The following PTPRU variants were observed in gnomAD, a reference collection of about 807,000 sequenced individuals.
PTPRU encodes the protein protein tyrosine phosphatase receptor type U, also known as receptor-type tyrosine-protein phosphatase U.
In PTPRU, 69 loss-of-function variants were observed where a neutral mutation model predicts 166.3. The observed-to-expected ratio is 0.41, with a 90% confidence interval of 0.34 to 0.51. The LOEUF (loss-of-function observed/expected upper bound fraction) is 0.51. Among genes scored for constraint, PTPRU ranks in the 20% least tolerant of loss-of-function variants. The pLI is 0.09. For missense variants in PTPRU, 1,657 were observed against 2,013.7 expected (o/e 0.82, Z 3.39); for synonymous variants, 793 against 814.0 (o/e 0.97, Z 0.44).
Position 29,325,483 on chromosome 1 carries a change from C to T in PTPRU, c.4249-116C>T, listed in dbSNP as rs35787885. 0.099 allele frequency: 149,430 copies of T among 1,504,546 alleles called. 8,715 individuals are homozygous for T. Among genetic ancestry groups the T allele is most frequent in the Middle Eastern group, 0.21 (1,194 of 5,816 alleles). The allele number at this position is 1,504,546 out of a possible 1,614,324, so 93.2% of individuals were successfully genotyped here. A position where few individuals can be genotyped will look rare whatever the true frequency, so the allele number is the denominator to read the frequency against. ...ATTACCCCCATTTCTCCCTTCTCCC[C>T]GAGGGCGGGCCTGGGCTCGGGCTCG... On this transcript the variant is annotated intron_variant, in intron 29 of 29. Transcript: ENST00000373779.
chr1:29,300,293 C>T (rs867771233), intron 15 of PTPRU, among the ~76,000 whole-genome samples: 14 of 152,244 alleles, frequency 9.2e-5, no homozygotes, highest in African/African-American at 2.6e-4. Flanking sequence ...AAAAGCCCTC[C>T]GTGGCAAAAG....
intron 27 of PTPRU, 48 bp downstream of exon 27, chr1:29,323,544 G>T: frequency 6.2e-7 from 1 of 1,611,424 alleles, no homozygotes; most frequent in East Asian, 2.2e-5. Context: ...TGGTGGCTGG[G>T]GCAGCTTTTA....
rs775989929 is a variant in PTPRU, at chr1:29,312,561, T to C, written c.3082T>C (p.Ser1028Pro). ...RTFALERRGY[S>P]ARHEVRQFHF... ...CCCATTGTCTCCCCAGAGAGGCTAC[T>C]CTGCCCGGCACGAGGTCCGCCAGTT... Residue 1028 changes from serine to proline, a missense_variant, in exon 22 of 30, where the codon TCT becomes CCT. Physicochemically the swap from Ser to Pro is moderately conservative, Grantham distance 74. Transcript: ENST00000373779. 2 of 1,589,442 alleles carry C rather than the reference T, an allele frequency of 1.3e-6. No homozygotes were observed. Among genetic ancestry groups the C allele is most frequent in the East Asian group, 2.3e-5 (1 of 44,198 alleles).
At position 29,237,379 on chromosome 1, in the gene PTPRU, G is replaced by C. The variant is rs1209476913; in HGVS notation, c.73+662G>C. 1.3e-5 allele frequency among the ~76,000 whole-genome samples: 2 copies of C among 152,116 alleles called. No homozygotes were observed. Among genetic ancestry groups the C allele is most frequent in the African/African-American group, 4.8e-5 (2 of 41,420 alleles). On this transcript the variant is annotated intron_variant, in intron 1 of 29. Coordinates refer to ENST00000373779, the MANE Select transcript of PTPRU (RefSeq NM_133178.4). The surrounding 1 kb of genome is among the most constrained non-coding windows in gnomAD (Gnocchi z 6.4). ...CCGCGTGGGTCCGAGTGAATGCCAA[G>C]TGTGCCGGGAATGCGTGTGTGGGAG...
chr1:29,238,406 G>A lies in PTPRU; in HGVS notation c.73+1689G>A, dbSNP rs1179252790. ...GGGGCTGCTCCGCGGGCTCCGGGTA[G>A]CCGGGAGACGCCCGGGGCGGGATCC... On this transcript the variant is annotated intron_variant, in intron 1 of 29. Coordinates refer to ENST00000373779, the MANE Select transcript of PTPRU (RefSeq NM_133178.4). This position sits in a 1 kb window ranked among gnomAD's most constrained non-coding sequence, Gnocchi z 6.1. 1.3e-5 allele frequency among the ~76,000 whole-genome samples: 2 copies of A among 151,956 alleles called. No homozygotes were observed. The highest frequency in any genetic ancestry group is 2.9e-5 in the Non-Finnish European group (2 of 67,946).
Position 29,317,825 on chromosome 1 carries a change from C to T in PTPRU, c.3591C>T (p.Asn1197=). 1.9e-6 allele frequency: 3 copies of T among 1,613,750 alleles called. No individual in the cohort carries two copies. The South Asian group carries it at 3.3e-5, about 18-fold the overall frequency. ...TGTTGCCCCGGAACCGCGACAAGAA[C>T]CGCAGCATGGACGTCCTGCCGCCCG... ...IALLPRNRDK[N]RSMDVLPPDR... Residue 1197 remains asparagine, a synonymous_variant, in exon 25 of 30, where the codon AAC becomes AAT. Coordinates refer to ENST00000373779, the MANE Select transcript of PTPRU (RefSeq NM_133178.4). The surrounding 1 kb of genome is among the most constrained non-coding windows in gnomAD (Gnocchi z 5.6).
At chr1:29,265,370 C>CTT (rs36081126) in intron 7 of PTPRU, among the ~76,000 whole-genome samples, 2 of 148,966 alleles carry the variant, frequency 1.3e-5, no homozygotes, top group Admixed American at 6.7e-5. Context: ...TTCTTTTCCT[C>CTT]TTTTTTTTTT....
intron 12 of PTPRU, chr1:29,283,593 C>G (rs1686202201): frequency 5.6e-6 from 2 of 354,146 alleles, no homozygotes; most frequent in African/African-American, 2.1e-5. Context: ...CCAGGCTCCT[C>G]CCTCCTCTGC....
chr1:29,260,023 T>G lies in PTPRU; in HGVS notation c.829T>G (p.Phe277Val), dbSNP rs770382407. 17 of 1,468,896 alleles carry G rather than the reference T, an allele frequency of 1.2e-5. No homozygotes were observed. The highest frequency in any genetic ancestry group is 1.5e-5 in the Non-Finnish European group (17 of 1,116,332). 91.0% of individuals were successfully genotyped at this position (1,468,896 alleles called of 1,614,324 possible). ...CCCGCGCGGCGCGGGCGTCTCTAACTTCGCGGAGCTCATCGTCAAGGGTCA... is the reference window on the plus strand; with the variant it reads ...CCCGCGCGGCGCGGGCGTCTCTAACGTCGCGGAGCTCATCGTCAAGGGTCA... Reference protein sequence around the residue: ...QAPRGAGVSNFAELIVKEPPT... With the variant: ...QAPRGAGVSNVAELIVKEPPT... The change falls in exon 6 of 30, where the codon TTC becomes GTC. Residue 277 changes from phenylalanine to valine, a missense_variant. Transcript: ENST00000373779. This position sits in a 1 kb window ranked among gnomAD's most constrained non-coding sequence, Gnocchi z 8.3.
intron 2 of PTPRU, among the ~76,000 whole-genome samples, chr1:29,258,178 T>C (rs894454001): frequency 4.6e-5 from 7 of 152,216 alleles, no homozygotes; most frequent in Admixed American, 4.6e-4. Context: ...TTGGTCAGGC[T>C]GGTCTCGAAC....
intron 11 of PTPRU, among the ~76,000 whole-genome samples, chr1:29,282,209 CTGAATGAATGAA>C (rs141805058): frequency 2.2e-4 from 33 of 152,252 alleles, no homozygotes; most frequent in African/African-American, 5.1e-4. Context: ...TCATCTCTTT[CTGAATGAATGAA>C]TGAATGAATG....
chr1:29,292,047 C>A (rs989904933), intron 15 of PTPRU, 21 bp downstream of exon 15: 1 of 1,612,460 alleles, frequency 6.2e-7, no homozygotes, highest in South Asian at 1.1e-5. Flanking sequence ...GGCCCTCCTA[C>A]CCCTTCTTCA....
At chr1:29,310,874 G>T in intron 19 of PTPRU, 94 bp downstream of exon 19, 1 of 1,428,722 alleles carries the variant, frequency 7.0e-7, no homozygotes, top group Non-Finnish European at 9.9e-7. Context: ...CTGCTGATCC[G>T]CTTGATTCCT....
intron 15 of PTPRU, among the ~76,000 whole-genome samples, chr1:29,298,044 G>A (rs1205571158): frequency 6.6e-6 from 1 of 152,068 alleles, no homozygotes; most frequent in African/African-American, 2.4e-5. Flanking sequence ...GATTGCTTGA[G>A]GTTAGGAGTT....
chr1:29,252,253 T>C (rs1330147617), intron 1 of PTPRU, among the ~76,000 whole-genome samples: 1 of 137,840 alleles, frequency 7.3e-6, no homozygotes, highest in Non-Finnish European at 1.5e-5. Context: ...CTTCTGGGTG[T>C]GTTTTTCTTT....
intron 1 of PTPRU, among the ~76,000 whole-genome samples, chr1:29,255,035 G>GGAA (rs1684712632): frequency 6.6e-6 from 1 of 152,144 alleles, no homozygotes; most frequent in Non-Finnish European, 1.5e-5. Flanking sequence ...GGGGGTCCTG[G>GGAA]GAAGTACTGG....
At chr1:29,313,918 C>G (rs1428664357) in intron 22 of PTPRU, among the ~76,000 whole-genome samples, 1 of 152,136 alleles carries the variant, frequency 6.6e-6, no homozygotes, top group Non-Finnish European at 1.5e-5. Context: ...CAGAAGCCCC[C>G]TTGAACCCGT....
intron 1 of PTPRU, among the ~76,000 whole-genome samples, chr1:29,239,339 A>G (rs780511537): frequency 2.6e-5 from 4 of 151,996 alleles, no homozygotes; most frequent in Non-Finnish European, 5.9e-5. Context: ...TGTTCTTGCT[A>G]TTTTGTCCTT....
At chr1:29,293,648 G>A (rs1686753207) in intron 15 of PTPRU, among the ~76,000 whole-genome samples, 1 of 151,796 alleles carries the variant, frequency 6.6e-6, no homozygotes, top group East Asian at 1.9e-4. Flanking sequence ...CTAATTTTTT[G>A]TATTTTTAAT....
Sources: allele counts gnomAD v4.1 joint callset (sites outside exome capture counted in the v4.1 genomes callset), GRCh38; gene constraint gnomAD v4.1.1; non-coding constraint Gnocchi (gnomAD v3.1); transcripts MANE v1.5; gene names NCBI Gene and HGNC (gene_info 2026-07-23, HGNC 2026-07-21).